The following USP33 variants were observed in gnomAD, a reference collection of about 807,000 sequenced individuals.
The protein encoded by USP33 is ubiquitin carboxyl-terminal hydrolase 33.
USP33 carries 46 observed loss-of-function variants against 124.2 expected under a neutral mutation model. The observed-to-expected ratio is 0.37, with a 90% CI of 0.29 to 0.47. The LOEUF (loss-of-function observed/expected upper bound fraction) is 0.47, where lower values mean the gene tolerates loss of function less well. USP33 is among the 20% of genes least tolerant of loss of function. The pLI is 0.99. For missense variants in USP33, 851 were observed against 1,070.6 expected (o/e 0.79, Z 2.86); for synonymous variants, 350 against 352.3 (o/e 0.99, Z 0.07).
chr1:77,718,199 G>A lies in USP33; in HGVS notation c.1738-152C>T, dbSNP rs184971299. 410 of 728,596 alleles carry A rather than the reference G, an allele frequency of 5.6e-4. 2 individuals are homozygous for A. In the Middle Eastern group the frequency reaches 5.9e-3, roughly 10 times the overall value. The allele number at this position is 728,596 out of a possible 1,614,324, so 45.1% of individuals were successfully genotyped here. A position where few individuals can be genotyped will look rare whatever the true frequency, so the allele number is the denominator to read the frequency against. On this transcript the variant is annotated intron_variant, in intron 16 of 23. Coordinates refer to ENST00000370794, the MANE Select transcript of USP33 (RefSeq NM_201624.3). ...ATGAAGTTATTTAGATTTTTATTTC[G>A]TTTTAAATGCTAGATAAAGCAGTCT...
At chr1:77,702,226 A>G (rs1050924860) in intron 21 of USP33, among the ~76,000 whole-genome samples, 2 of 146,892 alleles carry the variant, frequency 1.4e-5, no homozygotes, top group Admixed American at 6.9e-5. Flanking sequence ...AATACGTGGT[A>G]GCATCTATGA....
intron 21 of USP33, among the ~76,000 whole-genome samples, chr1:77,708,430 T>C (rs1159659790): frequency 6.6e-6 from 1 of 152,250 alleles, no homozygotes; most frequent in Non-Finnish European, 1.5e-5. Flanking sequence ...TAGTATTGTA[T>C]GCAGCTAACA....
At chr1:77,704,077 C>T (rs1674343226) in intron 21 of USP33, among the ~76,000 whole-genome samples, 2 of 151,100 alleles carry the variant, frequency 1.3e-5, no homozygotes, top group African/African-American at 4.9e-5. Context: ...ATCATGCCAC[C>T]GTGCTCCAGC....
Position 77,698,129 on chromosome 1 carries a change from C to A in USP33, c.2510-198G>T, listed in dbSNP as rs992079640. Among the ~76,000 whole-genome samples the A allele has an allele frequency of 2.7e-5, 4 of 150,722 alleles. No homozygotes were observed. The South Asian group carries it at 8.4e-4, about 32-fold the overall frequency. ...TGCCCAGGCTGGAGTGCAGTGGCAC[C>A]ATCACAGCTCACTGCAACCTCCGCC... On this transcript the variant is annotated intron_variant, in intron 22 of 23. Coordinates refer to ENST00000370794, the MANE Select transcript of USP33 (RefSeq NM_201624.3).
intron 1 of USP33, among the ~76,000 whole-genome samples, chr1:77,759,170 C>T (rs1681084388): frequency 6.6e-6 from 1 of 152,190 alleles, no homozygotes; most frequent in Non-Finnish European, 1.5e-5. Flanking sequence ...GATGACACCT[C>T]GGTTTTTCCG....
chr1:77,739,037 C>T (rs773326984), intron 5 of USP33, among the ~76,000 whole-genome samples: 2 of 152,046 alleles, frequency 1.3e-5, no homozygotes, highest in Non-Finnish European at 2.9e-5. Context: ...TCATTAGGGC[C>T]TTTTCCATCT....
intron 6 of USP33, among the ~76,000 whole-genome samples, chr1:77,734,730 TTTAA>T (rs942460927): frequency 1.3e-5 from 2 of 152,262 alleles, no homozygotes; most frequent in South Asian, 2.1e-4. Context: ...ATAACTAAAG[TTTAA>T]TTATTTTGAG....
At chr1:77,697,593 A>C (rs1673542003) in intron 23 of USP33, 119 bp from the exon 24 acceptor site, 1 of 1,219,456 alleles carries the variant, frequency 8.2e-7, no homozygotes, top group South Asian at 1.6e-5. Flanking sequence ...CTGGAACATG[A>C]ATCTGCAGAC....
intron 21 of USP33, among the ~76,000 whole-genome samples, chr1:77,702,141 C>CA (rs58750531): frequency 0.081 from 1,282 of 15,780 alleles, 503 homozygotes; most frequent in Non-Finnish European, 0.13. Flanking sequence ...GACCCTGTCT[C>CA]AAAAAAAAAA....
intron 14 of USP33, 113 bp from the exon 15 acceptor site, chr1:77,721,318 G>T (rs886578186): frequency 2.6e-6 from 3 of 1,172,596 alleles, no homozygotes; most frequent in African/African-American, 3.1e-5. Context: ...GAAAAACAAG[G>T]TTCCATTTTT....
chr1:77,728,153 T>C (rs1570797826), intron 10 of USP33, 142 bp downstream of exon 10: 2 of 873,586 alleles, frequency 2.3e-6, no homozygotes, highest in Non-Finnish European at 3.2e-6. Context: ...CCTCGGGTTC[T>C]ATAATTTTAT....
intron 10 of USP33, among the ~76,000 whole-genome samples, chr1:77,727,178 G>C (rs1216967682): frequency 6.6e-6 from 1 of 152,102 alleles, no homozygotes; most frequent in Non-Finnish European, 1.5e-5. Context: ...TTCCTCTAAC[G>C]GACCAGAGAT....
At chr1:77,746,985 G>C (rs1343580964) in intron 1 of USP33, among the ~76,000 whole-genome samples, 1 of 152,108 alleles carries the variant, frequency 6.6e-6, no homozygotes, top group Non-Finnish European at 1.5e-5. Flanking sequence ...CAGCTTTCTG[G>C]ATTTGTTCTT....
At position 77,740,920 on chromosome 1, in the gene USP33, C is replaced by G; in HGVS notation, c.155G>C (p.Gly52Ala). ...GTGATCTACTTGTGATTCACCACAG[C>G]CAACATATGAACATCTATTCTATAA... ...ACLENRCSYV[G>A]CGESQVDHST... Residue 52 changes from glycine to alanine, a missense_variant, in exon 4 of 24, where the codon GGC (glycine) becomes GCC (alanine). This residue lies in a region of USP33 where 221 missense variants were observed against 302.9 expected (regional missense o/e 0.73). Transcript: ENST00000370794. The G allele has an allele frequency of 1.3e-6, 2 of 1,563,080 alleles. No individual in the cohort carries two copies. Among genetic ancestry groups the G allele is most frequent in the Non-Finnish European group, 1.7e-6 (2 of 1,151,078 alleles).
At chr1:77,738,683 T>C (rs1391806187) in intron 5 of USP33, among the ~76,000 whole-genome samples, 3 of 152,132 alleles carry the variant, frequency 2.0e-5, no homozygotes, top group Non-Finnish European at 2.9e-5. Context: ...GGTGTCACCA[T>C]GTTAGCCAGG....
At position 77,701,399 on chromosome 1, in the gene USP33, A is replaced by C; in HGVS notation, c.2479T>G (p.Trp827Gly). 1 of 1,612,340 alleles carries C rather than the reference A, an allele frequency of 6.2e-7. No individual in the cohort carries two copies. Among genetic ancestry groups the C allele is most frequent in the Non-Finnish European group, 8.5e-7 (1 of 1,179,524 alleles). Residue 827 changes from tryptophan to glycine, a missense_variant, in exon 22 of 24, where the codon TGG becomes GGG. By Grantham distance (184) the Trp-to-Gly change is radical. Transcript: ENST00000370794. ...TCTTTACCCTTCACAAAACTTTCCC[A>C]TTCTCTAAACCACTGCATACTGATG... ...YCISMQWFRE[W>G]ESFVKGKDGD...
intron 21 of USP33, 118 bp from the exon 22 acceptor site, chr1:77,701,589 G>T (rs1057404736): frequency 1.3e-6 from 1 of 772,186 alleles, no homozygotes; most frequent in Middle Eastern, 2.4e-4. Flanking sequence ...GAGGCAGGAG[G>T]AGTCCTTGAA....
chr1:77,752,066 C>G (rs1194554475), intron 1 of USP33, among the ~76,000 whole-genome samples: 1 of 152,022 alleles, frequency 6.6e-6, no homozygotes, highest in Non-Finnish European at 1.5e-5. Flanking sequence ...ACCCCTTATC[C>G]TAATAGAAGA....
rs532884357 is a variant in USP33, at chr1:77,716,021, T to C, written c.1919-153A>G. Among the ~76,000 whole-genome samples the C allele has an allele frequency of 6.6e-5, 10 of 152,286 alleles. No homozygotes were observed. The South Asian group carries it at 2.1e-3, about 32-fold the overall frequency. ...TTTTCAGTTTGCACGCTTGCCACCATTCCTTCATCACCTGACGACAGAACA... is the reference window on the plus strand; with the variant it reads ...TTTTCAGTTTGCACGCTTGCCACCACTCCTTCATCACCTGACGACAGAACA... On this transcript the variant is annotated intron_variant, in intron 17 of 23. Transcript: ENST00000370794.
Sources: allele counts gnomAD v4.1 joint callset (sites outside exome capture counted in the v4.1 genomes callset), GRCh38; gene constraint gnomAD v4.1.1; regional missense constraint gnomAD v4.1.1; transcripts MANE v1.5; gene names NCBI Gene and HGNC (gene_info 2026-07-23, HGNC 2026-07-21).